The following ZNF90 variants were observed in gnomAD, a reference collection of about 807,000 sequenced individuals.
ZNF90 encodes the protein zinc finger protein HTF9.
In ZNF90, 11 loss-of-function variants were observed where a neutral mutation model predicts 12.0. The ratio of observed to expected loss-of-function variants is 0.92; its 90% CI spans 0.58 to 1.52. ZNF90 has a LOEUF of 1.52. Among genes scored for constraint, ZNF90 ranks in the 40% most tolerant of loss-of-function variants. The probability of loss-of-function intolerance (pLI) is 0.00; values close to 1 mark genes in which losing one functional copy is unlikely to be tolerated. For missense variants in ZNF90, 765 were observed against 711.5 expected (o/e 1.08, Z -0.86); for synonymous variants, 232 against 240.1 (o/e 0.97, Z 0.31).
rs1599658991 is a variant in ZNF90 at position 20,120,721 on chromosome 19, T to A, written c.*1361T>A. 6.6e-6 allele frequency: 1 copy of A among 152,144 alleles called. No individual in the cohort carries two copies. Among genetic ancestry groups the A allele is most frequent in the African/African-American group, 2.4e-5 (1 of 41,434 alleles). The allele number at this position is 152,144 out of a possible 1,614,324, so 9.4% of individuals were successfully genotyped here. On this transcript the variant is annotated 3_prime_UTR_variant, in exon 4 of 4. Transcript: ENST00000418063. ...ATAAAAAAGAATCCACAACAAAAAT[T>A]GTTAGATAAATTATATATAGCTTTA...
At chr19:20,078,983 G>C (rs2088799813) in intron 1 of ZNF90, among the ~76,000 whole-genome samples, 1 of 152,072 alleles carries the variant, frequency 6.6e-6, no homozygotes, top group South Asian at 2.1e-4. Context: ...GCCTGGAGTG[G>C]TGCCAAGCGC....
intron 1 of ZNF90, among the ~76,000 whole-genome samples, chr19:20,089,429 T>C (rs2088884764): frequency 6.6e-6 from 1 of 152,124 alleles, no homozygotes; most frequent in African/African-American, 2.4e-5. Flanking sequence ...GTCTGTAATA[T>C]GCAGCTGGAA....
chr19:20,078,159 CGA>C, intron 1 of ZNF90, 24 bp downstream of exon 1: 1 of 1,614,026 alleles, frequency 6.2e-7, no homozygotes, highest in Non-Finnish European at 8.5e-7. Flanking sequence ...TCCAGCATTC[CGA>C]GAGAGGGGAG....
intron 3 of ZNF90, among the ~76,000 whole-genome samples, chr19:20,113,565 C>T (rs1411485097): frequency 6.6e-6 from 1 of 151,920 alleles, no homozygotes; most frequent in East Asian, 2.0e-4. Context: ...TGCGGTGGCT[C>T]ACGATTGTAA....
chr19:20,099,738 AC>A (rs1258570688), intron 1 of ZNF90, among the ~76,000 whole-genome samples: 2 of 152,200 alleles, frequency 1.3e-5, no homozygotes, highest in Non-Finnish European at 2.9e-5. Context: ...TTAGGGAGAG[AC>A]ATCCTAGCAA....
chr19:20,094,095 A>G (rs1411964879), intron 1 of ZNF90, among the ~76,000 whole-genome samples: 1 of 152,218 alleles, frequency 6.6e-6, no homozygotes, highest in Non-Finnish European at 1.5e-5. Flanking sequence ...CAAGATCCTG[A>G]TGGAGGAAGT....
At chr19:20,086,780 TG>T (rs2088862844) in intron 1 of ZNF90, among the ~76,000 whole-genome samples, 2 of 152,240 alleles carry the variant, frequency 1.3e-5, no homozygotes, top group South Asian at 4.1e-4. Flanking sequence ...TATACCAAAT[TG>T]TTACATTAAG....
intron 3 of ZNF90, among the ~76,000 whole-genome samples, chr19:20,116,887 CTTTAAGCGT>C (rs2089140949): frequency 6.6e-6 from 1 of 151,018 alleles, no homozygotes; most frequent in African/African-American, 2.4e-5. Flanking sequence ...ATCACCACTT[CTTTAAGCGT>C]TTTATGTCAT....
chr19:20,096,342 A>T (rs571761643), intron 1 of ZNF90, among the ~76,000 whole-genome samples: 26 of 152,296 alleles, frequency 1.7e-4, no homozygotes, highest in Non-Finnish European at 3.2e-4. Flanking sequence ...AATTTCATGC[A>T]TGTCCGTGTG....
At position 20,119,347 on chromosome 19, in the gene ZNF90, T is replaced by C; in HGVS notation, c.1793T>C (p.Met598Thr). 1.3e-6 allele frequency: 2 copies of C among 1,584,328 alleles called. No individual in the cohort carries two copies. Among genetic ancestry groups the C allele is most frequent in the East Asian group, 2.3e-5 (1 of 43,616 alleles). The change falls in exon 4 of 4, where the codon ATG (methionine) becomes ACG (threonine). Residue 598 changes from methionine to threonine, a missense_variant. Physicochemically the swap from Met to Thr is moderately conservative, Grantham distance 81. Coordinates refer to ENST00000418063, the MANE Select transcript of ZNF90 (RefSeq NM_007138.2). ...CAGAAAGCCTACATAGTGAAGAACATGGCAAATCTTTGAAATATTCCTCAA... is the reference window on the plus strand; with the variant it reads ...CAGAAAGCCTACATAGTGAAGAACACGGCAAATCTTTGAAATATTCCTCAA... ...IGQKAYIVKNMANL is the reference protein window; with the variant it reads ...IGQKAYIVKNTANL
At chr19:20,091,931 G>A (rs1174625178) in intron 1 of ZNF90, among the ~76,000 whole-genome samples, 1 of 152,174 alleles carries the variant, frequency 6.6e-6, no homozygotes, top group East Asian at 1.9e-4. Context: ...AGATGTGGAA[G>A]ATACTATAGC....
At chr19:20,101,657 G>A (rs1167573780) in intron 1 of ZNF90, among the ~76,000 whole-genome samples, 1 of 152,126 alleles carries the variant, frequency 6.6e-6, no homozygotes, top group Non-Finnish European at 1.5e-5. Flanking sequence ...TGTCATGCTA[G>A]GAGGTAGACA....
At chr19:20,106,053 T>C (rs1218980463) in intron 3 of ZNF90, among the ~76,000 whole-genome samples, 1 of 148,266 alleles carries the variant, frequency 6.7e-6, no homozygotes, top group Non-Finnish European at 1.5e-5. Context: ...TCTTTTTTTT[T>C]TTTTTTTTTT....
At chr19:20,097,793 T>G (rs2122497150) in intron 1 of ZNF90, among the ~76,000 whole-genome samples, 1 of 152,360 alleles carries the variant, frequency 6.6e-6, no homozygotes, top group East Asian at 1.9e-4. Flanking sequence ...ATGTATCTGT[T>G]GAAACTGTTC....
At chr19:20,106,957 C>G (rs952826024) in intron 3 of ZNF90, 1 of 454,402 alleles carries the variant, frequency 2.2e-6, no homozygotes, top group Non-Finnish European at 4.4e-6. Context: ...GGCTGAATAT[C>G]CTTCAGGACT....
At chr19:20,084,267 G>T (rs2088842692) in intron 1 of ZNF90, among the ~76,000 whole-genome samples, 1 of 151,946 alleles carries the variant, frequency 6.6e-6, no homozygotes, top group Non-Finnish European at 1.5e-5. Context: ...ATATTGGTCA[G>T]GCTGGTCTCG....
intron 1 of ZNF90, among the ~76,000 whole-genome samples, chr19:20,102,900 C>A (rs2089000818): frequency 6.6e-6 from 1 of 152,154 alleles, no homozygotes; most frequent in Non-Finnish European, 1.5e-5. Context: ...ACTTAAAATT[C>A]CTACTAAAAA....
At chr19:20,090,674 A>G (rs2088895312) in intron 1 of ZNF90, among the ~76,000 whole-genome samples, 1 of 152,140 alleles carries the variant, frequency 6.6e-6, no homozygotes, top group Non-Finnish European at 1.5e-5. Flanking sequence ...AGCCTGGTGA[A>G]TTTCCTGTCT....
At chr19:20,086,232 CTTTTT>C (rs59433953) in intron 1 of ZNF90, among the ~76,000 whole-genome samples, 1,854 of 99,858 alleles carry the variant, frequency 0.019, 20 homozygotes, top group African/African-American at 0.068. Context: ...ATTTTCTTTT[CTTTTT>C]TTTTTTTTTT....
Sources: allele counts gnomAD v4.1 joint callset (sites outside exome capture counted in the v4.1 genomes callset), GRCh38; gene constraint gnomAD v4.1.1; transcripts MANE v1.5; gene names NCBI Gene and HGNC (gene_info 2026-07-23, HGNC 2026-07-21).